The following ERC2 variants were observed in gnomAD, a reference collection of about 807,000 sequenced individuals.
ERC2 encodes the protein ELKS/RAB6-interacting/CAST family member 2, also known as ERC protein 2.
In ERC2, 42 loss-of-function variants were observed where a neutral mutation model predicts 114.8. The ratio of observed to expected loss-of-function variants is 0.37; its 90% confidence interval spans 0.29 to 0.47. The LOEUF (loss-of-function observed/expected upper bound fraction) is 0.47. Among genes scored for constraint, ERC2 ranks in the 20% least tolerant of loss-of-function variants. The probability of loss-of-function intolerance (pLI) is 0.99; values close to 1 mark genes in which losing one functional copy is unlikely to be tolerated. For synonymous variants in ERC2, 454 were observed against 425.5 expected, an observed-to-expected ratio of 1.07 and a Z score of -0.82; for missense variants, 939 against 1,150.7, an observed-to-expected ratio of 0.82 and a Z score of 2.66.
intron 17 of ERC2, among the ~76,000 whole-genome samples, chr3:55,561,222 C>A (rs1461888849): frequency 2.0e-5 from 3 of 151,832 alleles, no homozygotes; most frequent in African/African-American, 4.8e-5. Flanking sequence ...CTTGGGATTT[C>A]TATCACCATG....
chr3:56,225,027 T>A (rs984849302), intron 3 of ERC2, among the ~76,000 whole-genome samples: 9 of 152,114 alleles, frequency 5.9e-5, no homozygotes, highest in African/African-American at 2.2e-4. Context: ...GTTCCCCCTG[T>A]CCATGTGTCC....
chr3:56,117,198 G>A (rs1431113245), intron 6 of ERC2, among the ~76,000 whole-genome samples: 3 of 152,316 alleles, frequency 2.0e-5, no homozygotes, highest in South Asian at 2.1e-4. Flanking sequence ...AAATGCTCTC[G>A]CTGTGCTTGG....
intron 14 of ERC2, among the ~76,000 whole-genome samples, chr3:55,738,165 A>C (rs2065756608): frequency 6.6e-6 from 1 of 152,150 alleles, no homozygotes; most frequent in Non-Finnish European, 1.5e-5. Flanking sequence ...GAGGCAGGCT[A>C]ACTTGTTAGG....
intron 3 of ERC2, among the ~76,000 whole-genome samples, chr3:56,175,638 G>C (rs550776516): frequency 3.9e-5 from 6 of 151,938 alleles, no homozygotes; most frequent in Non-Finnish European, 8.8e-5. Context: ...GTAGGCTGCT[G>C]GAAATTAAAA....
At chr3:56,116,099 C>T (rs1452588131) in intron 6 of ERC2, among the ~76,000 whole-genome samples, 1 of 152,214 alleles carries the variant, frequency 6.6e-6, no homozygotes, top group African/African-American at 2.4e-5. Flanking sequence ...CCTGTATGGT[C>T]CCATGTGGCA....
intron 10 of ERC2, among the ~76,000 whole-genome samples, chr3:56,000,996 T>C (rs943067658): frequency 3.3e-5 from 5 of 150,156 alleles, no homozygotes; most frequent in African/African-American, 7.3e-5. Context: ...TTTGGAGGAA[T>C]AGTTCATTAT....
intron 2 of ERC2, among the ~76,000 whole-genome samples, chr3:56,431,024 T>G (rs747524370): frequency 1.3e-5 from 2 of 152,212 alleles, no homozygotes; most frequent in Non-Finnish European, 2.9e-5. Flanking sequence ...GATAAGTTGC[T>G]TATTCTCTCT....
At chr3:55,603,087 T>G (rs1372347660) in intron 17 of ERC2, among the ~76,000 whole-genome samples, 1 of 152,108 alleles carries the variant, frequency 6.6e-6, no homozygotes. Context: ...TGGGATATCT[T>G]TACCAGGTAA....
chr3:56,054,201 G>C (rs1238816438), intron 7 of ERC2, among the ~76,000 whole-genome samples: 3 of 152,210 alleles, frequency 2.0e-5, no homozygotes, highest in Non-Finnish European at 2.9e-5. Flanking sequence ...CCGACCCATT[G>C]CTTTTTAGGA....
At chr3:56,438,806 T>C (rs189829071) in intron 1 of ERC2, among the ~76,000 whole-genome samples, 130 of 152,298 alleles carry the variant, frequency 8.5e-4, no homozygotes, top group Non-Finnish European at 1.5e-3. Flanking sequence ...CGCACACAGA[T>C]TTAATCCTCA....
At chr3:55,512,847 C>G (rs1310252502) in intron 17 of ERC2, among the ~76,000 whole-genome samples, 2 of 152,136 alleles carry the variant, frequency 1.3e-5, no homozygotes, top group Non-Finnish European at 2.9e-5. Flanking sequence ...ATCGAACAAT[C>G]CATTCACCAG....
chr3:55,852,995 C>T (rs1379898680), intron 14 of ERC2, among the ~76,000 whole-genome samples: 1 of 152,184 alleles, frequency 6.6e-6, no homozygotes, highest in Non-Finnish European at 1.5e-5. Context: ...ATGCCAGTAG[C>T]ATACCTTCTG....
Position 56,318,182 on chromosome 3 carries a change from ATGTC to A in ERC2, c.658-21751_658-21748del, listed in dbSNP as rs1320730915. Among the ~76,000 whole-genome samples, 3 of 152,246 alleles carry A rather than the reference ATGTC, an allele frequency of 2.0e-5. No individual in the cohort carries two copies. The East Asian group carries it at 5.8e-4, about 29-fold the overall frequency. Reference sequence around the variant, plus strand: ...ATGTTTTAGATTATCATTAAAATGTATGTCTGTCTCTCTCCTTCTTTTGAGACAA... The same window carrying A: ...ATGTTTTAGATTATCATTAAAATGTATGTCTCTCTCCTTCTTTTGAGACAA... On this transcript the variant is annotated intron_variant, in intron 2 of 17. Transcript: ENST00000288221.
At chr3:56,312,437 A>C (rs2150399015) in intron 2 of ERC2, among the ~76,000 whole-genome samples, 1 of 152,304 alleles carries the variant, frequency 6.6e-6, no homozygotes, top group South Asian at 2.1e-4. Context: ...ATAGTTAGCA[A>C]CAATGTATTG....
At chr3:55,961,257 T>G (rs1163591663) in intron 12 of ERC2, among the ~76,000 whole-genome samples, 1 of 151,982 alleles carries the variant, frequency 6.6e-6, no homozygotes, top group African/African-American at 2.4e-5. Flanking sequence ...AGCCCTATAG[T>G]CCTCTGCGGC....
intron 14 of ERC2, among the ~76,000 whole-genome samples, chr3:55,887,242 T>C (rs1361897161): frequency 6.6e-6 from 1 of 152,204 alleles, no homozygotes; most frequent in African/African-American, 2.4e-5. Context: ...TTAGAAAAAA[T>C]GCTAGTTTAT....
chr3:55,719,506 G>A (rs570967785), intron 15 of ERC2, among the ~76,000 whole-genome samples: 3 of 152,232 alleles, frequency 2.0e-5, no homozygotes, highest in East Asian at 3.9e-4. Flanking sequence ...ATTACATATT[G>A]GGAGTGAGGA....
At chr3:55,696,656 T>A (rs1446905047) in intron 16 of ERC2, among the ~76,000 whole-genome samples, 1 of 152,250 alleles carries the variant, frequency 6.6e-6, no homozygotes, top group Non-Finnish European at 1.5e-5. Context: ...CTATTATCCA[T>A]TGATAACGAC....
intron 17 of ERC2, among the ~76,000 whole-genome samples, chr3:55,532,200 T>C (rs760010024): frequency 2.6e-5 from 4 of 152,208 alleles, no homozygotes; most frequent in Non-Finnish European, 4.4e-5. Context: ...GACTTCTAGT[T>C]CAGGCTAGAC....
Sources: allele counts gnomAD v4.1 joint callset (sites outside exome capture counted in the v4.1 genomes callset), GRCh38; gene constraint gnomAD v4.1.1; transcripts MANE v1.5; gene names NCBI Gene and HGNC (gene_info 2026-07-23, HGNC 2026-07-21).